FOXO1: variants seen among roughly 807,000 people sequenced by gnomAD.
FOXO1 encodes forkhead box protein O1.
Under a neutral mutation model 44.1 loss-of-function variants are expected in FOXO1, and 6 were observed. The observed-to-expected ratio is 0.14, with a 90% CI of 0.07 to 0.27. The LOEUF (loss-of-function observed/expected upper bound fraction) is 0.27. FOXO1 is among the 10% of genes least tolerant of loss of function. The probability of loss-of-function intolerance (pLI) is 1.00; values close to 1 mark genes in which losing one functional copy is unlikely to be tolerated. For synonymous variants in FOXO1, 380 were observed against 362.7 expected (o/e 1.05, Z -0.54); for missense variants, 737 against 888.8 (o/e 0.83, Z 2.17).
intron 1 of FOXO1, among the ~76,000 whole-genome samples, chr13:40,632,475 T>C (rs112410290): frequency 0.033 from 4,948 of 151,616 alleles, 184 homozygotes; most frequent in African/African-American, 0.084. Flanking sequence ...CCATCTCCAC[T>C]AAAAACACAA....
In FOXO1 at chr13:40,666,253, G is replaced by T; in HGVS notation, c.-41C>A. On this transcript the variant is annotated 5_prime_UTR_variant, in exon 1 of 3. Transcript: ENST00000379561. ...TCCCCCAGCCGCAGGAGAGCCAAGA[G>T]GGGGAGAACGCAGCACTGGGGGCGG... The T allele has an allele frequency of 5.9e-6, 8 of 1,350,728 alleles. No homozygotes were observed. The highest frequency in any genetic ancestry group is 1.5e-5 in the African/African-American group (1 of 65,790). The allele number at this position is 1,350,728 out of a possible 1,614,324, so 83.7% of individuals were successfully genotyped here.
At chr13:40,561,196 CA>C (rs1874001776) in intron 1 of FOXO1, among the ~76,000 whole-genome samples, 1 of 151,722 alleles carries the variant, frequency 6.6e-6, no homozygotes, top group Non-Finnish European at 1.5e-5. Flanking sequence ...ACTAAAAATA[CA>C]AAAAATTAGC....
chr13:40,646,884 G>A (rs1593413870), intron 1 of FOXO1, among the ~76,000 whole-genome samples: 2 of 152,096 alleles, frequency 1.3e-5, no homozygotes, highest in African/African-American at 2.4e-5. Flanking sequence ...GTGAGCCACC[G>A]CGCCCGGCCT....
intron 1 of FOXO1, among the ~76,000 whole-genome samples, chr13:40,643,919 A>G (rs1451731784): frequency 2.6e-5 from 4 of 152,222 alleles, no homozygotes; most frequent in Admixed American, 6.5e-5. Context: ...TGACGATGCT[A>G]GTACCGCAGT....
At chr13:40,606,054 T>C (rs557690239) in intron 1 of FOXO1, among the ~76,000 whole-genome samples, 42 of 152,248 alleles carry the variant, frequency 2.8e-4, no homozygotes, top group African/African-American at 9.6e-4. Flanking sequence ...CAAAATACTG[T>C]AGAATAACAA....
intron 1 of FOXO1, among the ~76,000 whole-genome samples, chr13:40,597,928 A>G (rs552103337): frequency 6.6e-6 from 1 of 152,308 alleles, no homozygotes; most frequent in Non-Finnish European, 1.5e-5. Context: ...GCAGAGCCAC[A>G]TTCTTCCTGT....
chr13:40,582,221 T>A (rs1182428445), intron 1 of FOXO1, among the ~76,000 whole-genome samples: 1 of 152,206 alleles, frequency 6.6e-6, no homozygotes, highest in Non-Finnish European at 1.5e-5. Context: ...TAGCCATATT[T>A]TAAAAAAATA....
rs1873891034 is a variant in FOXO1 at position 40,559,496 on chromosome 13, G to A, written c.*14+13C>T. ...ATTTTTCAAAAGGTCTTTTGATATT[G>A]GGGTGAACTTACCTGCTCACTAACC... On this transcript the variant is annotated intron_variant, in intron 2 of 2. Coordinates refer to ENST00000379561, the MANE Select transcript of FOXO1 (RefSeq NM_002015.4). The A allele has an allele frequency of 5.2e-6, 8 of 1,539,538 alleles. No individual in the cohort carries two copies. Among genetic ancestry groups the A allele is most frequent in the South Asian group, 3.8e-5 (3 of 78,670 alleles).
chr13:40,657,089 T>C (rs1309606107), intron 1 of FOXO1, among the ~76,000 whole-genome samples: 2 of 152,158 alleles, frequency 1.3e-5, no homozygotes, highest in African/African-American at 4.8e-5. Context: ...AAACTGATGC[T>C]TCCCATATTT....
At chr13:40,624,317 T>TTAAAAAAAAAAAAAAAAAAAAAA (rs781451856) in intron 1 of FOXO1, among the ~76,000 whole-genome samples, 1 of 100,952 alleles carries the variant, frequency 9.9e-6, no homozygotes, top group African/African-American at 3.4e-5. Flanking sequence ...TAATACTGCT[T>TTAAAAAAAAAAAAAAAAAAAAAA]AAAAAAAAAA....
At chr13:40,645,260 T>A (rs1163722528) in intron 1 of FOXO1, among the ~76,000 whole-genome samples, 1 of 152,186 alleles carries the variant, frequency 6.6e-6, no homozygotes, top group Non-Finnish European at 1.5e-5. Flanking sequence ...TCCCTCCCCT[T>A]CCCTGCTCAT....
At chr13:40,575,634 A>T (rs1053058908) in intron 1 of FOXO1, among the ~76,000 whole-genome samples, 4 of 152,232 alleles carry the variant, frequency 2.6e-5, no homozygotes, top group Non-Finnish European at 4.4e-5. Context: ...ATAAATTAGG[A>T]TCTTTTGATT....
Position 40,560,283 on chromosome 13 carries a change from G to T in FOXO1, c.1208C>A (p.Pro403Gln). 1 of 1,614,058 alleles carries T rather than the reference G, an allele frequency of 6.2e-7. No homozygotes were observed. The highest frequency in any genetic ancestry group is 2.2e-5 in the East Asian group (1 of 44,886). Reference sequence around the variant, plus strand: ...GTTTGGTGGCGCAAACGAGTAGCACGGCGTCTGCTGCATCATGGTGCCAGG... The same window carrying T: ...GTTTGGTGGCGCAAACGAGTAGCACTGCGTCTGCTGCATCATGGTGCCAGG... ...SSPGTMMQQT[P>Q]CYSFAPPNTS... is the part of the protein sequence containing the mutation. Residue 403 changes from proline to glutamine, a missense_variant, in exon 2 of 3, where the codon CCG (proline) becomes CAG (glutamine). By Grantham distance (76) the Pro-to-Gln change is moderately conservative. Around this residue, in one of 7 missense-constraint regions of FOXO1, gnomAD observed 283 missense variants for 278.1 expected, o/e 1.02. Transcript: ENST00000379561. The surrounding 1 kb of genome is among the most constrained non-coding windows in gnomAD (Gnocchi z 5.1).
At chr13:40,568,317 G>C (rs898499395) in intron 1 of FOXO1, among the ~76,000 whole-genome samples, 1 of 152,172 alleles carries the variant, frequency 6.6e-6, no homozygotes, top group South Asian at 2.1e-4. Context: ...TCTAATTTCT[G>C]TGAACTTTCT....
chr13:40,636,856 G>T (rs1344221964), intron 1 of FOXO1, among the ~76,000 whole-genome samples: 1 of 152,138 alleles, frequency 6.6e-6, no homozygotes, highest in African/African-American at 2.4e-5. Context: ...CACAATACCT[G>T]GTGGAGTACA....
intron 1 of FOXO1, among the ~76,000 whole-genome samples, chr13:40,638,202 G>C (rs1473447739): frequency 6.6e-6 from 1 of 152,126 alleles, no homozygotes; most frequent in East Asian, 1.9e-4. Flanking sequence ...TTAGTACAAT[G>C]ACAGCAGTGA....
rs564737729 is a variant in FOXO1 at position 40,620,649 on chromosome 13, G to C, written c.630+44934C>G. On this transcript the variant is annotated intron_variant, in intron 1 of 2. Transcript: ENST00000379561. ...CTGACAGCAGCCAGCACAGGGAACGGGACAGGCAGGCCCAAGGAGACAGCA... is the reference window on the plus strand; with the variant it reads ...CTGACAGCAGCCAGCACAGGGAACGCGACAGGCAGGCCCAAGGAGACAGCA... The C allele has an allele frequency of 7.9e-4, 333 of 421,332 alleles. 1 individual carries two copies. Among genetic ancestry groups the C allele is most frequent in the Middle Eastern group, 1.3e-3 (3 of 2,398 alleles). 26.1% of individuals were successfully genotyped at this position (421,332 alleles called of 1,614,324 possible).
intron 1 of FOXO1, among the ~76,000 whole-genome samples, chr13:40,665,381 C>T (rs1322740854): frequency 6.6e-6 from 1 of 152,146 alleles, no homozygotes; most frequent in Admixed American, 6.5e-5. Flanking sequence ...CCCACGCGAA[C>T]TCCTGACTGG....
intron 1 of FOXO1, among the ~76,000 whole-genome samples, chr13:40,596,355 G>A (rs1355407737): frequency 1.3e-5 from 2 of 152,164 alleles, no homozygotes; most frequent in Non-Finnish European, 1.5e-5. Flanking sequence ...GCTTCTTTCT[G>A]CAGTTTCATG....
Sources: gnomAD v4.1 joint callset for allele counts (sites outside exome capture counted in the v4.1 genomes callset) on GRCh38, gnomAD v4.1.1 for gene constraint, gnomAD v4.1.1 regional missense constraint, Gnocchi (gnomAD v3.1) non-coding constraint, MANE v1.5 for transcripts, NCBI Gene and HGNC (gene_info 2026-07-23, HGNC 2026-07-21) for gene names.